NT5DC1: variants seen among roughly 807,000 people sequenced by gnomAD.
The protein encoded by NT5DC1 is 5'-nucleotidase domain-containing protein 1.
NT5DC1 carries 42 observed loss-of-function variants against 59.4 expected under a neutral mutation model. That is an observed-to-expected ratio of 0.71 (90% CI 0.55 to 0.92). NT5DC1 has a LOEUF of 0.92. Among genes scored for constraint, NT5DC1 ranks in the 40% least tolerant of loss-of-function variants. The pLI, the probability that NT5DC1 is intolerant of heterozygous loss-of-function variation, is 0.00. For synonymous variants in NT5DC1, 172 were observed against 188.1 expected (o/e 0.91, Z 0.70); for missense variants, 501 against 537.1 (o/e 0.93, Z 0.66).
intron 6 of NT5DC1, among the ~76,000 whole-genome samples, chr6:116,140,398 A>G (rs186004588): frequency 1.1e-4 from 16 of 152,144 alleles, no homozygotes; most frequent in African/African-American, 2.9e-4. Flanking sequence ...GGTTTCCACA[A>G]TTTTCAAGAA....
intron 6 of NT5DC1, among the ~76,000 whole-genome samples, chr6:116,156,224 C>T (rs775845579): frequency 1.3e-5 from 2 of 152,016 alleles, no homozygotes; most frequent in Non-Finnish European, 2.9e-5. Context: ...TGTGTTTGCT[C>T]TTCACTTTCT....
intron 6 of NT5DC1, among the ~76,000 whole-genome samples, chr6:116,177,644 G>A (rs1055411028): frequency 6.6e-6 from 1 of 151,988 alleles, no homozygotes; most frequent in Non-Finnish European, 1.5e-5. Context: ...TTACTTAAAG[G>A]AATTTATCTA....
At chr6:116,177,483 A>G (rs1780760864) in intron 6 of NT5DC1, among the ~76,000 whole-genome samples, 1 of 152,194 alleles carries the variant, frequency 6.6e-6, no homozygotes, top group Non-Finnish European at 1.5e-5. Flanking sequence ...TCTTCTCTTT[A>G]ATGATATAAA....
At chr6:116,168,968 C>A (rs907186606) in intron 6 of NT5DC1, among the ~76,000 whole-genome samples, 1 of 152,148 alleles carries the variant, frequency 6.6e-6, no homozygotes, top group African/African-American at 2.4e-5. Context: ...TTTGGGTCAA[C>A]CTGGAGAGCT....
intron 6 of NT5DC1, among the ~76,000 whole-genome samples, chr6:116,180,563 A>C (rs979349443): frequency 6.6e-6 from 1 of 152,102 alleles, no homozygotes; most frequent in African/African-American, 2.4e-5. Context: ...AGAAAGAAAC[A>C]TTCAGCCATT....
chr6:116,197,271 C>T (rs552602310), intron 6 of NT5DC1, among the ~76,000 whole-genome samples: 1 of 152,080 alleles, frequency 6.6e-6, no homozygotes, highest in South Asian at 2.1e-4. Context: ...AACCACATAC[C>T]ATCCATAGTT....
rs80242110 is a variant in NT5DC1, at chr6:116,178,760, G to A, written c.530-42294G>A. Among the ~76,000 whole-genome samples, 33 of 152,324 alleles carry A rather than the reference G, an allele frequency of 2.2e-4. No individual in the cohort carries two copies. In the East Asian group the frequency reaches 6.0e-3, roughly 28 times the overall value. On this transcript the variant is annotated intron_variant, in intron 6 of 11. Transcript: ENST00000319550. ...TTGATTGATGCCTCCCAAAATGTGA[G>A]CATCTCAGAAGGGGAGGGGAACTCA...
Position 116,108,252 on chromosome 6 carries a change from C to T in NT5DC1, c.186-112C>T, listed in dbSNP as rs577461359. The T allele has an allele frequency of 5.7e-4, 401 of 703,472 alleles. 1 individual carries two copies. The highest frequency in any genetic ancestry group is 1.0e-3 in the South Asian group (63 of 62,288). The allele number at this position is 703,472 out of a possible 1,614,324, so 43.6% of individuals were successfully genotyped here. A position where few individuals can be genotyped will look rare whatever the true frequency, so the allele number is the denominator to read the frequency against. On this transcript the variant is annotated intron_variant, in intron 2 of 11. Transcript: ENST00000319550. ...AATTGTGTGATTAACATATCATTCC[C>T]CTGGGTGGCAGAATCCCTTTTTAGC...
At chr6:116,161,173 A>G (rs1448811960) in intron 6 of NT5DC1, among the ~76,000 whole-genome samples, 4 of 128,162 alleles carry the variant, frequency 3.1e-5, no homozygotes, top group Admixed American at 2.9e-4. Flanking sequence ...GGGGAACATC[A>G]CAATCTGGGG....
chr6:116,231,924 T>C (rs1782026763), intron 8 of NT5DC1, among the ~76,000 whole-genome samples: 2 of 152,238 alleles, frequency 1.3e-5, no homozygotes, highest in East Asian at 1.9e-4. Flanking sequence ...ATTAGTATTA[T>C]ATTAGTTTGC....
chr6:116,121,304 G>A, intron 6 of NT5DC1: 1 of 1,613,984 alleles, frequency 6.2e-7, no homozygotes, highest in Non-Finnish European at 8.5e-7. Flanking sequence ...CTGGCCTGGG[G>A]CTCCAGCAGC....
intron 11 of NT5DC1, among the ~76,000 whole-genome samples, chr6:116,243,503 G>C (rs1261433848): frequency 6.6e-6 from 1 of 152,106 alleles, no homozygotes; most frequent in Non-Finnish European, 1.5e-5. Context: ...TCTGTAATAT[G>C]GGAGAAAGAA....
chr6:116,176,118 G>A (rs1473851154), intron 6 of NT5DC1, among the ~76,000 whole-genome samples: 5 of 152,202 alleles, frequency 3.3e-5, no homozygotes, highest in African/African-American at 1.2e-4. Context: ...CTAGTCAGCA[G>A]CTTAGCTGGA....
chr6:116,139,177 T>C (rs75176278), intron 6 of NT5DC1, among the ~76,000 whole-genome samples: 8,021 of 152,216 alleles, frequency 0.053, 223 homozygotes, highest in Non-Finnish European at 0.061. Context: ...GGGGAAAATG[T>C]TAAGAGTTTT....
intron 6 of NT5DC1, among the ~76,000 whole-genome samples, chr6:116,202,333 T>A (rs1781367001): frequency 1.3e-5 from 2 of 152,090 alleles, no homozygotes; most frequent in East Asian, 3.9e-4. Flanking sequence ...CAAAGTTCCT[T>A]CTCAATTTTG....
In NT5DC1 at chr6:116,115,767, A is replaced by T. The variant is rs769960146; in HGVS notation, c.441A>T (p.Thr147=). ...GTGCCAGGGTGGTGGACTATTTAAC[A>T]AAAGTAAGTGGGGACTCATTTTTTA... ...LLCARVVDYL[T]KLNNGQKTFD... Residue 147 remains threonine, a synonymous_variant, in exon 5 of 12, where the codon ACA becomes ACT. Transcript: ENST00000319550. The T allele has an allele frequency of 6.5e-7, 1 of 1,535,024 alleles. No homozygotes were observed. The highest frequency in any genetic ancestry group is 9.0e-7 in the Non-Finnish European group (1 of 1,108,254).
chr6:116,186,705 T>C lies in NT5DC1; in HGVS notation c.530-34349T>C, dbSNP rs1301613962. Reference sequence around the variant, plus strand: ...CCAGTGCATTTTGCATTTCTCTAAGTGTGTCCTTGACTTCCAGAAATTGTG... The same window carrying C: ...CCAGTGCATTTTGCATTTCTCTAAGCGTGTCCTTGACTTCCAGAAATTGTG... On this transcript the variant is annotated intron_variant, in intron 6 of 11. Transcript: ENST00000319550. Among the ~76,000 whole-genome samples the C allele has an allele frequency of 2.0e-5, 3 of 152,120 alleles. 1 individual carries two copies. The highest frequency in any genetic ancestry group is 2.0e-4 in the Admixed American group (3 of 15,256).
intron 6 of NT5DC1, among the ~76,000 whole-genome samples, chr6:116,187,682 C>G (rs957418084): frequency 1.3e-5 from 2 of 152,084 alleles, no homozygotes; most frequent in East Asian, 1.9e-4. Flanking sequence ...AACTTGATCC[C>G]TACTCACATA....
chr6:116,219,925 T>C (rs1265012087), intron 6 of NT5DC1, among the ~76,000 whole-genome samples: 2 of 126,738 alleles, frequency 1.6e-5, no homozygotes, highest in African/African-American at 6.2e-5. Context: ...ATCATGCCAC[T>C]GCACTCCAGC....
Sources: gnomAD v4.1 joint callset for allele counts (sites outside exome capture counted in the v4.1 genomes callset) on GRCh38, gnomAD v4.1.1 for gene constraint, MANE v1.5 for transcripts, NCBI Gene and HGNC (gene_info 2026-07-23, HGNC 2026-07-21) for gene names.